Variants in GPC5 observed in about 807,000 individuals in gnomAD.
GPC5 encodes glypican-5.
In GPC5, 47 loss-of-function variants were observed where a neutral mutation model predicts 53.9. The ratio of observed to expected loss-of-function variants is 0.87; its 90% CI spans 0.69 to 1.11. The LOEUF is 1.11. Among genes scored for constraint, GPC5 ranks in the 50% most tolerant of loss-of-function variants. The pLI, the probability that GPC5 is intolerant of heterozygous loss-of-function variation, is 0.00. For synonymous variants in GPC5, 286 were observed against 263.3 expected (o/e 1.09, Z -0.84); for missense variants, 748 against 713.1 (o/e 1.05, Z -0.56).
chr13:92,802,282 T>C (rs1876934253), intron 7 of GPC5, among the ~76,000 whole-genome samples: 1 of 151,868 alleles, frequency 6.6e-6, no homozygotes, highest in Non-Finnish European at 1.5e-5. Flanking sequence ...GGCTATAGTA[T>C]CTAGGTTTGT....
At chr13:92,583,582 GT>G (rs1883438442) in intron 7 of GPC5, among the ~76,000 whole-genome samples, 1 of 152,178 alleles carries the variant, frequency 6.6e-6, no homozygotes, top group African/African-American at 2.4e-5. Context: ...TAGAAGAGGA[GT>G]TTCTGGAACC....
intron 7 of GPC5, among the ~76,000 whole-genome samples, chr13:92,355,919 G>A (rs903100219): frequency 1.2e-4 from 14 of 114,696 alleles, no homozygotes; most frequent in African/African-American, 3.3e-4. Flanking sequence ...TGCTTTCCTC[G>A]TTTTCCTCAT....
intron 5 of GPC5, among the ~76,000 whole-genome samples, chr13:91,815,522 TAGTC>T (rs754427747): frequency 1.6e-4 from 25 of 152,340 alleles, no homozygotes; most frequent in Non-Finnish European, 2.4e-4. Flanking sequence ...GACGCTGTGA[TAGTC>T]AGTGTGCTGC....
At chr13:92,586,042 A>G (rs1227799505) in intron 7 of GPC5, among the ~76,000 whole-genome samples, 3 of 152,246 alleles carry the variant, frequency 2.0e-5, no homozygotes, top group Non-Finnish European at 4.4e-5. Context: ...TACAGAGCTT[A>G]GTTTATATGC....
intron 7 of GPC5, among the ~76,000 whole-genome samples, chr13:92,357,877 G>C (rs760551626): frequency 6.6e-6 from 1 of 151,138 alleles, no homozygotes; most frequent in African/African-American, 2.5e-5. Flanking sequence ...TGAGATATGG[G>C]GGGGGACACA....
At chr13:92,747,366 GAAA>G (rs1003576501) in intron 7 of GPC5, among the ~76,000 whole-genome samples, 1 of 151,756 alleles carries the variant, frequency 6.6e-6, no homozygotes, top group Non-Finnish European at 1.5e-5. Flanking sequence ...AAATTAATAA[GAAA>G]AAAAATCAGA....
intron 7 of GPC5, among the ~76,000 whole-genome samples, chr13:92,405,605 A>ATTCTT (rs1445708790): frequency 1.3e-5 from 2 of 152,238 alleles, no homozygotes; most frequent in African/African-American, 2.4e-5. Flanking sequence ...AAAAGAGTGA[A>ATTCTT]TTCTTTTCAA....
At chr13:92,827,239 T>A (rs771027902) in intron 7 of GPC5, among the ~76,000 whole-genome samples, 21 of 152,004 alleles carry the variant, frequency 1.4e-4, no homozygotes, top group Non-Finnish European at 2.4e-4. Flanking sequence ...ACCTTCAGAG[T>A]AGGATTTTGC....
In GPC5 at chr13:91,693,486, C is replaced by A. The variant is rs757059099; in HGVS notation, c.625C>A (p.Gln209Lys). The A allele has an allele frequency of 6.2e-7, 1 of 1,614,030 alleles. No homozygotes were observed. ...RDVSPFGNIP[Q>K]RVMGQMGRSL... ...TGTGAGTCCATTTGGTAATATTCCC[C>A]AAAGAGTAATGGGACAGATGGGGAG... Residue 209 changes from glutamine to lysine, a missense_variant, in exon 3 of 8, where the codon CAA (glutamine) becomes AAA (lysine). Coordinates refer to ENST00000377067, the MANE Select transcript of GPC5 (RefSeq NM_004466.6).
At chr13:91,819,909 G>T (rs2038464051) in intron 5 of GPC5, among the ~76,000 whole-genome samples, 1 of 152,132 alleles carries the variant, frequency 6.6e-6, no homozygotes, top group Non-Finnish European at 1.5e-5. Context: ...AGTATTGTCA[G>T]ACTGTAAATT....
chr13:92,005,826 G>T (rs2040601520), intron 6 of GPC5, among the ~76,000 whole-genome samples: 1 of 151,980 alleles, frequency 6.6e-6, no homozygotes, highest in Non-Finnish European at 1.5e-5. Flanking sequence ...AACAATATTG[G>T]AATATTTCCT....
At chr13:91,802,176 T>TA (rs1204251885) in intron 5 of GPC5, among the ~76,000 whole-genome samples, 1 of 152,166 alleles carries the variant, frequency 6.6e-6, no homozygotes, top group East Asian at 1.9e-4. Context: ...TGGTGAGTGT[T>TA]ACAGTTCTCA....
At chr13:92,635,407 AGGGATT>A (rs1885379152) in intron 7 of GPC5, among the ~76,000 whole-genome samples, 3 of 152,184 alleles carry the variant, frequency 2.0e-5, no homozygotes, top group African/African-American at 4.8e-5. Flanking sequence ...GCATGTAGAC[AGGGATT>A]TCTTCTTTCT....
At chr13:91,963,839 G>A (rs1400088073) in intron 6 of GPC5, among the ~76,000 whole-genome samples, 1 of 152,108 alleles carries the variant, frequency 6.6e-6, no homozygotes, top group African/African-American at 2.4e-5. Flanking sequence ...AAATTAAATG[G>A]AAGAAGCATC....
rs551562927 is a variant in GPC5, at chr13:91,531,026, T to C, written c.325+82104T>C. Among the ~76,000 whole-genome samples, 3 of 152,330 alleles carry C rather than the reference T, an allele frequency of 2.0e-5. No individual in the cohort carries two copies. The South Asian group carries it at 6.2e-4, about 32-fold the overall frequency. ...CTTTCTTACTGCCAATATTGAATTC[T>C]CTTACGTTGTACCCACTTAGGGAGA... is the stretch of plus-strand genomic sequence containing the variant. On this transcript the variant is annotated intron_variant, in intron 2 of 7. Transcript: ENST00000377067.
intron 7 of GPC5, among the ~76,000 whole-genome samples, chr13:92,261,342 T>G (rs2042765727): frequency 6.6e-6 from 1 of 152,256 alleles, no homozygotes; most frequent in East Asian, 1.9e-4. Context: ...TGCAAGGCAA[T>G]CAAAAGCTCA....
At chr13:91,489,334 C>T (rs1883799477) in intron 2 of GPC5, among the ~76,000 whole-genome samples, 1 of 152,076 alleles carries the variant, frequency 6.6e-6, no homozygotes, top group Admixed American at 6.6e-5. Flanking sequence ...CCCCGGACAC[C>T]CAGCTTTAAA....
intron 7 of GPC5, among the ~76,000 whole-genome samples, chr13:92,626,862 T>C (rs1190294616): frequency 6.6e-6 from 1 of 152,192 alleles, no homozygotes; most frequent in African/African-American, 2.4e-5. Flanking sequence ...GAATTTTCAG[T>C]ATATAATGAA....
intron 2 of GPC5, among the ~76,000 whole-genome samples, chr13:91,594,151 G>A (rs950676187): frequency 6.6e-6 from 1 of 152,120 alleles, no homozygotes; most frequent in African/African-American, 2.4e-5. Flanking sequence ...TAGGCCAGAG[G>A]CAAAGGATTA....
Sources: allele counts gnomAD v4.1 joint callset (sites outside exome capture counted in the v4.1 genomes callset), GRCh38; gene constraint gnomAD v4.1.1; transcripts MANE v1.5; gene names NCBI Gene and HGNC (gene_info 2026-07-23, HGNC 2026-07-21).